The following CNTN6 variants were observed in gnomAD, a reference collection of about 807,000 sequenced individuals.
The protein encoded by CNTN6 is contactin-6.
A neutral mutation model predicts 122.8 loss-of-function variants in CNTN6; 137 were observed. The observed-to-expected ratio is 1.12, with a 90% CI of 0.97 to 1.29. The LOEUF (loss-of-function observed/expected upper bound fraction) is 1.29. CNTN6 is among the 50% of genes most tolerant of loss of function. The pLI, the probability that CNTN6 is intolerant of heterozygous loss-of-function variation, is 0.00. For missense variants in CNTN6, 1,634 were observed against 1,223.4 expected (o/e 1.34, Z -5.01); for synonymous variants, 570 against 426.0 (o/e 1.34, Z -4.16).
chr3:1,393,555 TA>T (rs572632140), intron 20 of CNTN6, among the ~76,000 whole-genome samples: 56,427 of 107,844 alleles, frequency 0.52, 11,926 homozygotes, highest in East Asian at 0.77. Context: ...CTTAAAGAAG[TA>T]AAAAAAAAAA....
At chr3:1,231,409 T>C (rs940331620) in intron 4 of CNTN6, among the ~76,000 whole-genome samples, 7 of 152,236 alleles carry the variant, frequency 4.6e-5, no homozygotes, top group African/African-American at 1.7e-4. Context: ...CCTTTCAGAA[T>C]CTACCCTGTC....
At chr3:1,261,616 G>A (rs1240426413) in intron 4 of CNTN6, among the ~76,000 whole-genome samples, 1 of 152,050 alleles carries the variant, frequency 6.6e-6, no homozygotes, top group Non-Finnish European at 1.5e-5. Flanking sequence ...AACCCAAATG[G>A]AGGCAGCAAA....
In CNTN6 at chr3:1,180,080, G is replaced by C. The variant is rs145777341; in HGVS notation, c.55+32017G>C. 3.4e-3 allele frequency among the ~76,000 whole-genome samples: 514 copies of C among 152,240 alleles called. 2 individuals are homozygous for C. Among genetic ancestry groups the C allele is most frequent in the Non-Finnish European group, 5.9e-3 (401 of 68,016 alleles). ...TTGTCCAATTCTTTTTTAATGCTGA[G>C]AGTGGGCATAATACTTTTTTATTCC... On this transcript the variant is annotated intron_variant, in intron 2 of 22. Coordinates refer to ENST00000446702, the MANE Select transcript of CNTN6 (RefSeq NM_001289080.2).
chr3:1,115,462 C>T (rs1166831585), intron 1 of CNTN6, among the ~76,000 whole-genome samples: 1 of 152,048 alleles, frequency 6.6e-6, no homozygotes, highest in Non-Finnish European at 1.5e-5. Flanking sequence ...AAACAATAAA[C>T]AAAAGGGCCG....
At chr3:1,289,786 T>C (rs894438025) in intron 5 of CNTN6, among the ~76,000 whole-genome samples, 1 of 151,084 alleles carries the variant, frequency 6.6e-6, no homozygotes, top group Non-Finnish European at 1.5e-5. Context: ...GCCATTCTCC[T>C]GCCTCAGTCT....
intron 7 of CNTN6, among the ~76,000 whole-genome samples, chr3:1,301,024 CTTTTTTTTTTTTTTTTTT>C (rs562912841): frequency 2.1e-5 from 2 of 93,276 alleles, no homozygotes; most frequent in Non-Finnish European, 4.0e-5. Context: ...AGTCCCTAAA[CTTTTTTTTTTTTTTTTTT>C]TTTTTTTTTT....
chr3:1,371,052 T>C (rs1708945706), intron 12 of CNTN6, among the ~76,000 whole-genome samples: 2 of 152,120 alleles, frequency 1.3e-5, no homozygotes, highest in Admixed American at 1.3e-4. Flanking sequence ...AAATTATTAC[T>C]TCCTACTTTC....
chr3:1,260,105 A>C (rs9835517), intron 4 of CNTN6, among the ~76,000 whole-genome samples: 1 of 151,988 alleles, frequency 6.6e-6, no homozygotes, highest in African/African-American at 2.4e-5. Flanking sequence ...TTTTAGAGAA[A>C]CAATTTAGTG....
At position 1,144,734 on chromosome 3, in the gene CNTN6, C is replaced by T. The variant is rs150187417; in HGVS notation, c.-82-3193C>T. Among the ~76,000 whole-genome samples the T allele has an allele frequency of 2.5e-3, 386 of 152,104 alleles. 2 individuals are homozygous for T. Among genetic ancestry groups the T allele is most frequent in the African/African-American group, 8.4e-3 (347 of 41,490 alleles). Reference sequence around the variant, plus strand: ...TCAGGTAAGATGTTTCATGATTCTACGGTACTGGGTATGATTCTAGGTTCT... The same window carrying T: ...TCAGGTAAGATGTTTCATGATTCTATGGTACTGGGTATGATTCTAGGTTCT... On this transcript the variant is annotated intron_variant, in intron 1 of 22. Transcript: ENST00000446702.
At chr3:1,160,344 G>GTATATGTATATATATATATATATATA (rs2093096995) in intron 2 of CNTN6, among the ~76,000 whole-genome samples, 2 of 111,132 alleles carry the variant, frequency 1.8e-5, no homozygotes, top group East Asian at 2.9e-4. Context: ...TACTTTTACT[G>GTATATGTATATATATATATATATATA]TATATATATA....
intron 9 of CNTN6, among the ~76,000 whole-genome samples, chr3:1,326,680 C>T (rs540565888): frequency 6.6e-6 from 1 of 151,820 alleles, no homozygotes; most frequent in African/African-American, 2.4e-5. Flanking sequence ...TTTTACTTTG[C>T]ACATGTAGGC....
chr3:1,305,717 T>G (rs1698248579), intron 7 of CNTN6, among the ~76,000 whole-genome samples: 1 of 147,530 alleles, frequency 6.8e-6, no homozygotes, highest in Non-Finnish European at 1.5e-5. Flanking sequence ...TGTTCTGGAA[T>G]GTAAATAACA....
intron 2 of CNTN6, among the ~76,000 whole-genome samples, chr3:1,193,085 T>G (rs974653042): frequency 7.9e-5 from 12 of 152,224 alleles, no homozygotes; most frequent in Non-Finnish European, 2.9e-5. Flanking sequence ...AGTTGCTGTG[T>G]TGGCTTAATG....
chr3:1,198,185 A>C (rs2093806225), intron 2 of CNTN6, among the ~76,000 whole-genome samples: 1 of 152,204 alleles, frequency 6.6e-6, no homozygotes, highest in Non-Finnish European at 1.5e-5. Context: ...ATTAATAAAA[A>C]ACAAACAAAA....
At chr3:1,377,626 A>C (rs1710069308) in intron 17 of CNTN6, among the ~76,000 whole-genome samples, 1 of 152,174 alleles carries the variant, frequency 6.6e-6, no homozygotes, top group Admixed American at 6.5e-5. Context: ...AAACGTTAGA[A>C]TTTAGACTTT....
At chr3:1,337,964 C>A (rs2126026319) in intron 11 of CNTN6, among the ~76,000 whole-genome samples, 2 of 152,194 alleles carry the variant, frequency 1.3e-5, no homozygotes, top group East Asian at 3.9e-4. Context: ...ACAGTGCCTG[C>A]AGAACCACCC....
At chr3:1,262,076 A>G (rs1441894747) in intron 4 of CNTN6, among the ~76,000 whole-genome samples, 1 of 152,172 alleles carries the variant, frequency 6.6e-6, no homozygotes, top group East Asian at 1.9e-4. Flanking sequence ...TATACTGAAG[A>G]TGATAATTAC....
At chr3:1,289,757 C>G (rs1376634816) in intron 5 of CNTN6, among the ~76,000 whole-genome samples, 1 of 149,580 alleles carries the variant, frequency 6.7e-6, no homozygotes, top group Non-Finnish European at 1.5e-5. Flanking sequence ...TCACTGCAAA[C>G]TCCAACTCCC....
At chr3:1,277,917 C>G (rs1692707789) in intron 4 of CNTN6, among the ~76,000 whole-genome samples, 1 of 152,126 alleles carries the variant, frequency 6.6e-6, no homozygotes, top group Non-Finnish European at 1.5e-5. Context: ...AGGAATAAAT[C>G]AAGAGAAAAT....
Sources: gnomAD v4.1 joint callset for allele counts (sites outside exome capture counted in the v4.1 genomes callset) on GRCh38, gnomAD v4.1.1 for gene constraint, MANE v1.5 for transcripts, NCBI Gene and HGNC (gene_info 2026-07-23, HGNC 2026-07-21) for gene names.